Variants in WDPCP observed in about 807,000 individuals in gnomAD.
WDPCP encodes WD repeat containing planar cell polarity effector, also known as WD repeat-containing and planar cell polarity effector protein fritz homolog.
In WDPCP, 71 loss-of-function variants were observed where a neutral mutation model predicts 93.1. The observed-to-expected ratio is 0.76, with a 90% CI of 0.63 to 0.93. The LOEUF is 0.93. Among genes scored for constraint, WDPCP ranks in the 40% least tolerant of loss-of-function variants. The pLI, the probability that WDPCP is intolerant of heterozygous loss-of-function variation, is 0.00. For missense variants in WDPCP, 844 were observed against 887.4 expected (o/e 0.95, Z 0.62); for synonymous variants, 315 against 315.0 (o/e 1.00, Z 0.00).
At chr2:63,608,776 C>T (rs184030494) in intron 3 of WDPCP, among the ~76,000 whole-genome samples, 263 of 152,272 alleles carry the variant, frequency 1.7e-3, no homozygotes, top group Non-Finnish European at 3.2e-3. Flanking sequence ...CGCCACTGCA[C>T]TCCAGCCTAG....
chr2:63,809,237 A>G (rs529399878), intron 2 of WDPCP, among the ~76,000 whole-genome samples: 1,571 of 136,114 alleles, frequency 0.012, 10 homozygotes, highest in South Asian at 0.026. Flanking sequence ...TGCCCCTACT[A>G]GGAAGTGAGG....
chr2:63,643,576 C>G (rs1710010258), intron 3 of WDPCP: 1 of 432,228 alleles, frequency 2.3e-6, no homozygotes. Context: ...GAATCTGTTA[C>G]TCACCTTGAT....
At chr2:63,793,484 A>G (rs1341136248) in intron 2 of WDPCP, among the ~76,000 whole-genome samples, 1 of 152,028 alleles carries the variant, frequency 6.6e-6, no homozygotes, top group Non-Finnish European at 1.5e-5. Context: ...AGTGGCCCAT[A>G]CCCGTAATCC....
chr2:63,611,121 A>G (rs927647857), intron 3 of WDPCP, among the ~76,000 whole-genome samples: 2 of 152,200 alleles, frequency 1.3e-5, no homozygotes, highest in Admixed American at 1.3e-4. Flanking sequence ...AAAGCTATAT[A>G]GATACCTGCA....
chr2:63,757,821 C>T (rs1022969678), intron 2 of WDPCP, among the ~76,000 whole-genome samples: 1 of 152,146 alleles, frequency 6.6e-6, no homozygotes, highest in African/African-American at 2.4e-5. Context: ...ATCACAGAAA[C>T]ACATGTATAG....
At chr2:63,146,661 C>T (rs1265600317) in intron 17 of WDPCP, among the ~76,000 whole-genome samples, 1 of 152,190 alleles carries the variant, frequency 6.6e-6, no homozygotes, top group Non-Finnish European at 1.5e-5. Flanking sequence ...AGGCGTAAGC[C>T]ACTGTTCCCG....
chr2:63,234,384 T>C (rs982802924), intron 14 of WDPCP, among the ~76,000 whole-genome samples: 1 of 152,018 alleles, frequency 6.6e-6, no homozygotes, highest in Non-Finnish European at 1.5e-5. Context: ...AGCCCAGGAG[T>C]TTGGGGCTGC....
intron 1 of WDPCP, among the ~76,000 whole-genome samples, chr2:63,498,992 G>A (rs1015694821): frequency 1.3e-5 from 2 of 152,038 alleles, no homozygotes; most frequent in Non-Finnish European, 2.9e-5. Context: ...TACCTCACAG[G>A]GCCTTATGAG....
At chr2:63,218,246 ATT>A in intron 14 of WDPCP, among the ~76,000 whole-genome samples, 1 of 152,240 alleles carries the variant, frequency 6.6e-6, no homozygotes, top group Admixed American at 6.5e-5. Flanking sequence ...TATTGAATAT[ATT>A]ATGCTTTCCT....
intron 9 of WDPCP, among the ~76,000 whole-genome samples, chr2:63,427,119 C>G (rs147555345): frequency 6.6e-6 from 1 of 152,168 alleles, no homozygotes; most frequent in Non-Finnish European, 1.5e-5. Flanking sequence ...ATGTGAAAGA[C>G]TTAGCCGCAC....
At chr2:63,143,965 C>T (rs544096087) in intron 17 of WDPCP, among the ~76,000 whole-genome samples, 1 of 152,310 alleles carries the variant, frequency 6.6e-6, no homozygotes, top group Admixed American at 6.5e-5. Context: ...CTTTGTGCTT[C>T]TTGTATTTGG....
At chr2:63,340,856 T>C (rs1688784754) in intron 12 of WDPCP, among the ~76,000 whole-genome samples, 1 of 152,208 alleles carries the variant, frequency 6.6e-6, no homozygotes, top group South Asian at 2.1e-4. Flanking sequence ...TACACTGCCA[T>C]TTTAAATCCA....
rs7565002 is a variant in WDPCP at position 63,576,125 on chromosome 2, C to T, written c.75+12072G>A. Among the ~76,000 whole-genome samples the T allele has an allele frequency of 7.7e-3, 1,167 of 152,240 alleles. 15 individuals carry two copies. The highest frequency in any genetic ancestry group is 0.026 in the African/African-American group (1,096 of 41,532). On this transcript the variant is annotated intron_variant, in intron 1 of 17. Coordinates refer to ENST00000272321, the MANE Select transcript of WDPCP (RefSeq NM_015910.7). ...ATTTCTCTGCACACTATAAGCAATC[C>T]TCTAGCAGATACCAAATGCGTTGTC...
At chr2:63,254,309 C>A (rs991256584) in intron 14 of WDPCP, among the ~76,000 whole-genome samples, 4 of 151,948 alleles carry the variant, frequency 2.6e-5, no homozygotes, top group African/African-American at 9.7e-5. Context: ...TCATTCATAC[C>A]CCAAATCTTA....
At chr2:63,542,495 G>C (rs941392209) in intron 1 of WDPCP, among the ~76,000 whole-genome samples, 1 of 152,158 alleles carries the variant, frequency 6.6e-6, no homozygotes, top group African/African-American at 2.4e-5. Context: ...TTAAATAGTG[G>C]CAATTGCGAT....
chr2:63,437,750 GA>G, intron 7 of WDPCP, 196 bp from the exon 8 acceptor site: 1 of 1,193,010 alleles, frequency 8.4e-7, no homozygotes, highest in Non-Finnish European at 1.2e-6. Context: ...AATCATATGT[GA>G]TTTTTTTTCC....
intron 14 of WDPCP, among the ~76,000 whole-genome samples, chr2:63,190,648 ATAGTCT>A (rs1482868100): frequency 1.3e-4 from 20 of 152,288 alleles, no homozygotes; most frequent in African/African-American, 4.8e-4. Context: ...TTTAAATCTG[ATAGTCT>A]TAGATTACAG....
intron 2 of WDPCP, among the ~76,000 whole-genome samples, chr2:63,782,739 CATGTGTGT>C (rs1217622572): frequency 8.7e-5 from 9 of 103,562 alleles, no homozygotes; most frequent in African/African-American, 3.0e-4. Flanking sequence ...CCACAGGCAA[CATGTGTGT>C]GTGTGTGTGT....
chr2:63,411,419 A>C (rs1243173069), intron 9 of WDPCP, among the ~76,000 whole-genome samples: 1 of 152,168 alleles, frequency 6.6e-6, no homozygotes, highest in Non-Finnish European at 1.5e-5. Flanking sequence ...AAACACCTAC[A>C]TCAAAAAGAC....
Sources: gnomAD v4.1 joint callset for allele counts (sites outside exome capture counted in the v4.1 genomes callset) on GRCh38, gnomAD v4.1.1 for gene constraint, MANE v1.5 for transcripts, NCBI Gene and HGNC (gene_info 2026-07-23, HGNC 2026-07-21) for gene names.